RBFOX1: variants seen among roughly 807,000 people sequenced by gnomAD.
RBFOX1 encodes RNA binding protein fox-1 homolog 1.
RBFOX1 carries 8 observed loss-of-function variants against 57.7 expected under a neutral mutation model. The observed-to-expected ratio is 0.14, with a 90% CI of 0.08 to 0.25. RBFOX1 has a LOEUF of 0.25. RBFOX1 is among the 10% of genes least tolerant of loss of function. The pLI, the probability that RBFOX1 is intolerant of heterozygous loss-of-function variation, is 1.00. For synonymous variants in RBFOX1, 326 were observed against 222.4 expected (o/e 1.47, Z -4.15); for missense variants, 611 against 548.5 (o/e 1.11, Z -1.14).
chr16:7,687,541 A>G (rs1349165411), intron 14 of RBFOX1, among the ~76,000 whole-genome samples: 2 of 152,044 alleles, frequency 1.3e-5, no homozygotes. Context: ...TTTAATAGGT[A>G]CATCCTATCT....
intron 3 of RBFOX1, among the ~76,000 whole-genome samples, chr16:5,625,189 A>T (rs1367586728): frequency 1.3e-5 from 2 of 152,128 alleles, no homozygotes; most frequent in Non-Finnish European, 2.9e-5. Context: ...TTACTGGAAG[A>T]TGAGCCCCCC....
chr16:5,623,218 G>T (rs1383228682), intron 3 of RBFOX1, among the ~76,000 whole-genome samples: 2 of 152,136 alleles, frequency 1.3e-5, no homozygotes, highest in African/African-American at 4.8e-5. Flanking sequence ...AAGAGAAGGG[G>T]TGTGGTACAT....
At chr16:6,596,412 C>G (rs959366194) in intron 2 of RBFOX1, among the ~76,000 whole-genome samples, 1 of 152,246 alleles carries the variant, frequency 6.6e-6, no homozygotes. Flanking sequence ...GACTTTGACC[C>G]TAGGGTGCGT....
chr16:6,448,898 C>T (rs1394646035), intron 2 of RBFOX1, among the ~76,000 whole-genome samples: 1 of 152,020 alleles, frequency 6.6e-6, no homozygotes, highest in African/African-American at 2.4e-5. Context: ...CAGCCATTTT[C>T]AGTCATTTTA....
chr16:6,867,648 G>A (rs1265996281), intron 3 of RBFOX1, among the ~76,000 whole-genome samples: 1 of 152,112 alleles, frequency 6.6e-6, no homozygotes. Flanking sequence ...GAACCCGGGA[G>A]GCAGAGGTTG....
intron 3 of RBFOX1, among the ~76,000 whole-genome samples, chr16:5,672,477 A>G (rs2050041434): frequency 6.6e-6 from 1 of 152,084 alleles, no homozygotes. Flanking sequence ...CTTTGGGTGC[A>G]CCTCATTCTT....
chr16:7,274,566 T>A (rs2153139716), intron 4 of RBFOX1, among the ~76,000 whole-genome samples: 1 of 152,358 alleles, frequency 6.6e-6, no homozygotes, highest in African/African-American at 2.4e-5. Flanking sequence ...CTTAAACTAA[T>A]CACTTCTCTC....
At chr16:6,740,290 C>T (rs982779492) in intron 3 of RBFOX1, among the ~76,000 whole-genome samples, 1 of 152,106 alleles carries the variant, frequency 6.6e-6, no homozygotes, top group Non-Finnish European at 1.5e-5. Context: ...GTGCAAAAAA[C>T]CTACATCTAA....
At chr16:7,392,746 T>C (rs2098057513) in intron 4 of RBFOX1, among the ~76,000 whole-genome samples, 1 of 152,188 alleles carries the variant, frequency 6.6e-6, no homozygotes, top group Non-Finnish European at 1.5e-5. Context: ...TGGCTATTGG[T>C]CATTGCTGAA....
intron 4 of RBFOX1, among the ~76,000 whole-genome samples, chr16:7,130,303 G>C (rs1477077056): frequency 1.3e-5 from 2 of 152,152 alleles, no homozygotes; most frequent in Non-Finnish European, 2.9e-5. Context: ...CCAAAGTGCT[G>C]AGATTGTAGG....
chr16:5,882,766 A>G (rs1307605152), intron 4 of RBFOX1, among the ~76,000 whole-genome samples: 1 of 152,180 alleles, frequency 6.6e-6, no homozygotes, highest in African/African-American at 2.4e-5. Context: ...GGAATTTGAC[A>G]CAATACATTA....
intron 3 of RBFOX1, among the ~76,000 whole-genome samples, chr16:6,920,016 T>A (rs984625279): frequency 6.6e-6 from 1 of 152,122 alleles, no homozygotes; most frequent in Non-Finnish European, 1.5e-5. Flanking sequence ...CTCTCCCTTA[T>A]AAGACGGAAA....
At chr16:5,535,106 T>C (rs2044644684) in intron 2 of RBFOX1, among the ~76,000 whole-genome samples, 1 of 152,212 alleles carries the variant, frequency 6.6e-6, no homozygotes, top group African/African-American at 2.4e-5. Flanking sequence ...ACCAATACAG[T>C]AGCTGATAAA....
chr16:6,970,319 C>A (rs534099638), intron 3 of RBFOX1, among the ~76,000 whole-genome samples: 1 of 152,202 alleles, frequency 6.6e-6, no homozygotes, highest in East Asian at 1.9e-4. Context: ...TCTGTCCTTT[C>A]ATTTTCTCAG....
At chr16:7,115,419 C>T (rs141024603) in intron 4 of RBFOX1, among the ~76,000 whole-genome samples, 1 of 152,122 alleles carries the variant, frequency 6.6e-6, no homozygotes, top group East Asian at 1.9e-4. Flanking sequence ...CCTTAGTTAC[C>T]TATTGCTATG....
At chr16:7,281,821 C>G (rs192238420) in intron 4 of RBFOX1, among the ~76,000 whole-genome samples, 5 of 152,202 alleles carry the variant, frequency 3.3e-5, no homozygotes, top group South Asian at 2.1e-4. Flanking sequence ...CTTTCTTTCT[C>G]TCTTTTCCTC....
intron 4 of RBFOX1, among the ~76,000 whole-genome samples, chr16:7,339,571 C>G (rs983012232): frequency 1.3e-5 from 2 of 152,144 alleles, no homozygotes; most frequent in Admixed American, 6.6e-5. Context: ...TCCTGAGTAT[C>G]TGGGACCGTG....
chr16:6,130,014 C>G (rs2096618687), intron 1 of RBFOX1, among the ~76,000 whole-genome samples: 1 of 151,904 alleles, frequency 6.6e-6, no homozygotes, highest in Non-Finnish European at 1.5e-5. Context: ...GTCAGCAGCA[C>G]AAGAAATGCA....
intron 3 of RBFOX1, among the ~76,000 whole-genome samples, chr16:6,788,341 A>T (rs1011574069): frequency 2.0e-5 from 3 of 152,130 alleles, no homozygotes; most frequent in African/African-American, 7.2e-5. Context: ...TTCAGGTTCA[A>T]CACAAGCTGG....
Sources: gnomAD v4.1 joint callset for allele counts (sites outside exome capture counted in the v4.1 genomes callset) on GRCh38, gnomAD v4.1.1 for gene constraint, MANE v1.5 for transcripts, NCBI Gene and HGNC (gene_info 2026-07-23, HGNC 2026-07-21) for gene names.